Variants in SYNE2 observed in about 807,000 individuals in gnomAD.
SYNE2 encodes the protein spectrin repeat containing nuclear envelope protein 2.
SYNE2 carries 431 observed loss-of-function variants against 856.3 expected under a neutral mutation model. The ratio of observed to expected loss-of-function variants is 0.50; its 90% CI spans 0.47 to 0.55. SYNE2 has a LOEUF of 0.55. Among genes scored for constraint, SYNE2 ranks in the 20% least tolerant of loss-of-function variants. SYNE2 has a pLI of 0.00. For synonymous variants in SYNE2, 2,923 were observed against 2,872.3 expected (o/e 1.02, Z -0.56); for missense variants, 8,129 against 8,023.2 (o/e 1.01, Z -0.50).
intron 61 of SYNE2, among the ~76,000 whole-genome samples, chr14:64,094,208 C>T (rs1188575070): frequency 6.6e-6 from 1 of 151,806 alleles, no homozygotes; most frequent in East Asian, 1.9e-4. Flanking sequence ...TTGGTGGGCG[C>T]CTGTAGTCCC....
chr14:64,156,236 C>CTA (rs981206657), intron 85 of SYNE2, among the ~76,000 whole-genome samples: 4 of 152,086 alleles, frequency 2.6e-5, no homozygotes, highest in Non-Finnish European at 4.4e-5. Context: ...CTTTAAGGTG[C>CTA]TAGAAGTTCC....
At chr14:64,084,920 T>C (rs2097548783) in intron 57 of SYNE2, 1 of 701,554 alleles carries the variant, frequency 1.4e-6, no homozygotes, top group Non-Finnish European at 2.6e-6. Context: ...TCCAAGCTCA[T>C]TCCCGTGGCT....
rs573628938 is a variant in SYNE2 at position 63,963,244 on chromosome 14, A to G, written c.889-655A>G. Among the ~76,000 whole-genome samples, 20 of 152,338 alleles carry G rather than the reference A, an allele frequency of 1.3e-4. No individual in the cohort carries two copies. In the South Asian group the frequency reaches 3.5e-3, roughly 27 times the overall value. On this transcript the variant is annotated intron_variant, in intron 9 of 115. Transcript: ENST00000555002. ...TCTTTTCTAACTAATTTTCATATTA[A>G]AAAAATAAAATGAAAGATTCAACTG...
chr14:63,998,188 A>G, intron 25 of SYNE2, 31 bp from the exon 26 acceptor site: 1 of 1,424,648 alleles, frequency 7.0e-7, no homozygotes. Flanking sequence ...TGTTTAAGAT[A>G]TTTCGTTTAC....
Position 64,130,198 on chromosome 14 carries a change from A to C in SYNE2, c.14290A>C (p.Lys4764Gln). The stretch of plus-strand genomic sequence containing the variant: ...GGAAAAGCTTGCTCATGGCCACTTA[A>C]AACAAACCAAAAGTAAAGTGGCGTT... ...GKEKLAHGHL[K>Q]QTKSKVALQA... The change falls in exon 76 of 116, where the codon AAA (lysine) becomes CAA (glutamine). Residue 4764 changes from lysine (K) to glutamine (Q), a missense_variant. Physicochemically the swap from Lys to Gln is moderately conservative, Grantham distance 53 (BLOSUM62 1). Coordinates refer to ENST00000555002, the MANE Select transcript of SYNE2 (RefSeq NM_182914.3). 2 of 1,613,994 alleles carry C rather than the reference A, an allele frequency of 1.2e-6. No homozygotes were observed. The highest frequency in any genetic ancestry group is 8.5e-7 in the Non-Finnish European group (1 of 1,179,974).
chr14:64,206,651 A>G (rs931924146), intron 100 of SYNE2, among the ~76,000 whole-genome samples: 2 of 151,744 alleles, frequency 1.3e-5, no homozygotes, highest in Non-Finnish European at 2.9e-5. Context: ...AATATTAATC[A>G]GTTTTCTTTA....
intron 65 of SYNE2, among the ~76,000 whole-genome samples, chr14:64,112,188 C>T (rs112179733): frequency 1.6e-4 from 25 of 152,266 alleles, no homozygotes; most frequent in African/African-American, 5.5e-4. Flanking sequence ...AACAAAATTC[C>T]GTAAACATTG....
At chr14:64,013,631 G>C (rs773087460) in intron 32 of SYNE2, among the ~76,000 whole-genome samples, 7 of 152,186 alleles carry the variant, frequency 4.6e-5, no homozygotes, top group Non-Finnish European at 8.8e-5. Context: ...AGTTCCACCT[G>C]TGTGGACAAA....
rs546065730 is a variant in SYNE2, at chr14:64,148,054, A to G, written c.15639+1831A>G. Among the ~76,000 whole-genome samples the G allele has an allele frequency of 2.0e-5, 3 of 152,184 alleles. No individual in the cohort carries two copies. In the South Asian group the frequency reaches 6.2e-4, roughly 32 times the overall value. On this transcript the variant is annotated intron_variant, in intron 84 of 115. Transcript: ENST00000555002. Reference sequence around the variant, plus strand: ...AGGCCGGGCGCAGTGGCTCATGTGTATAATCCCAGCACTTTGGGAGGCTGA... The same window carrying G: ...AGGCCGGGCGCAGTGGCTCATGTGTGTAATCCCAGCACTTTGGGAGGCTGA...
chr14:63,948,273 T>A (rs1490759273), intron 6 of SYNE2, among the ~76,000 whole-genome samples: 1 of 152,100 alleles, frequency 6.6e-6, no homozygotes, highest in Non-Finnish European at 1.5e-5. Context: ...TTAAAAAATA[T>A]TGCATCTTTC....
chr14:64,195,800 T>G (rs891207045), intron 99 of SYNE2, among the ~76,000 whole-genome samples: 1 of 152,230 alleles, frequency 6.6e-6, no homozygotes, highest in Non-Finnish European at 1.5e-5. Flanking sequence ...GTCACGAAGT[T>G]GACTTGCGTT....
In SYNE2 at chr14:64,212,919, G is replaced by A; in HGVS notation, c.18970G>A (p.Asp6324Asn). 6.2e-7 allele frequency: 1 copy of A among 1,614,226 alleles called. No individual in the cohort carries two copies. Among genetic ancestry groups the A allele is most frequent in the Non-Finnish European group, 8.5e-7 (1 of 1,180,048 alleles). The change falls in exon 105 of 116, where the codon GAT becomes AAT. Residue 6324 changes from aspartate to asparagine, a missense_variant. By Grantham distance (23) the Asp-to-Asn change is conservative. Around this residue, in one of 3 missense-constraint regions of SYNE2, gnomAD observed 5,410 missense variants for 5,284.8 expected, o/e 1.02. Coordinates refer to ENST00000555002, the MANE Select transcript of SYNE2 (RefSeq NM_182914.3). ...GCCCCTGGATGCTGTGCTGATTGAG[G>A]ATGAGCTGGAGGAACTCCACCGCTA... is the stretch of plus-strand genomic sequence containing the variant. ...SEPLDAVLIEDELEELHRYCQ... is the reference protein window; with the variant it reads ...SEPLDAVLIENELEELHRYCQ...
chr14:63,841,832 C>CTTTTTTTTTTTTTTTTTTTTTTTCTT, intron 1 of SYNE2, among the ~76,000 whole-genome samples: 1 of 115,082 alleles, frequency 8.7e-6, no homozygotes, highest in Non-Finnish European at 1.7e-5. Flanking sequence ...TTCTTTCTTT[C>CTTTTTTTTTTTTTTTTTTTTTTTCTT]TTTTTTTTTT....
Position 64,051,850 on chromosome 14 carries a change from A to G in SYNE2, c.7937A>G (p.Gln2646Arg), listed in dbSNP as rs2097229889. The change falls in exon 48 of 116, where the codon CAG becomes CGG. Residue 2646 changes from glutamine (Q) to arginine (R), a missense_variant. Coordinates refer to ENST00000555002, the MANE Select transcript of SYNE2 (RefSeq NM_182914.3). ...ACTGAGATTTCTCTGCAACAGCAGC[A>G]GCAACATCTACAGTTAAGGCTGAAG... is the stretch of plus-strand genomic sequence containing the variant. ...QDTEISLQQQ[Q>R]QHLQLRLKSP... 3 of 1,614,006 alleles carry G rather than the reference A, an allele frequency of 1.9e-6. No homozygotes were observed. In the South Asian group the frequency reaches 3.3e-5, roughly 18 times the overall value.
At chr14:64,191,140 T>C (rs895589259) in intron 99 of SYNE2, 1 of 424,946 alleles carries the variant, frequency 2.4e-6, no homozygotes, top group Admixed American at 4.1e-5. Context: ...TTTTATCTTA[T>C]TATTTAAATT....
At chr14:64,107,241 G>A (rs910525094) in intron 64 of SYNE2, among the ~76,000 whole-genome samples, 3 of 152,174 alleles carry the variant, frequency 2.0e-5, no homozygotes, top group African/African-American at 4.8e-5. Context: ...ACTTAAGTAC[G>A]TAATTCTCTA....
At position 64,029,925 on chromosome 14, in the gene SYNE2, C is replaced by G. The variant is rs752789740; in HGVS notation, c.6745C>G (p.Arg2249Gly). The change falls in exon 44 of 116, where the codon CGA (arginine) becomes GGA (glycine). Residue 2249 changes from arginine (R) to glycine (G), a missense_variant. Transcript: ENST00000555002. ...TGTGCAAAACTTGGACGGTCACGTT[C>G]GAGAACATGATTCATACCAGGTTTG... Reference protein sequence around the residue: ...DSVQNLDGHVREHDSYQVCVT... With the variant: ...DSVQNLDGHVGEHDSYQVCVT... The G allele has an allele frequency of 7.4e-6, 12 of 1,613,884 alleles. No homozygotes were observed. The highest frequency in any genetic ancestry group is 1.0e-5 in the Non-Finnish European group (12 of 1,179,910).
intron 78 of SYNE2, among the ~76,000 whole-genome samples, chr14:64,136,009 G>C (rs985895664): frequency 1.3e-5 from 2 of 152,180 alleles, no homozygotes; most frequent in Non-Finnish European, 2.9e-5. Context: ...GGTGAATTAG[G>C]CTGGGCGTGG....
Position 64,024,973 on chromosome 14 carries a change from G to C in SYNE2, c.5902G>C (p.Gly1968Arg). ...WLTNQEEKWK[G>R]MEEPGEKTEL... is the part of the protein sequence containing the mutation. ...GACTAATCAAGAAGAGAAATGGAAA[G>C]GAATGGAAGAACCAGGGGAGAAAAC... Residue 1968 changes from glycine to arginine, a missense_variant, in exon 40 of 116, where the codon GGA (glycine) becomes CGA (arginine). Gly to Arg is a moderately radical substitution (Grantham distance 125). Transcript: ENST00000555002. 1 of 1,613,968 alleles carries C rather than the reference G, an allele frequency of 6.2e-7. No homozygotes were observed. Among genetic ancestry groups the C allele is most frequent in the Non-Finnish European group, 8.5e-7 (1 of 1,179,904 alleles).
Sources: allele counts gnomAD v4.1 joint callset (sites outside exome capture counted in the v4.1 genomes callset), GRCh38; gene constraint gnomAD v4.1.1; regional missense constraint gnomAD v4.1.1; transcripts MANE v1.5; gene names NCBI Gene and HGNC (gene_info 2026-07-23, HGNC 2026-07-21).